PATJ: variants seen among roughly 807,000 people sequenced by gnomAD.
PATJ encodes the protein PATJ crumbs cell polarity complex component, also known as inaD-like protein.
In PATJ, 190 loss-of-function variants were observed where a neutral mutation model predicts 224.9. The observed-to-expected ratio is 0.84, with a 90% CI of 0.75 to 0.95. The LOEUF (loss-of-function observed/expected upper bound fraction) is 0.95, where lower values mean the gene tolerates loss of function less well. PATJ is among the 40% of genes least tolerant of loss of function. The pLI is 0.00. For missense variants in PATJ, 2,121 were observed against 2,270.3 expected, an observed-to-expected ratio of 0.93 and a Z score of 1.34; for synonymous variants, 769 against 820.3, an observed-to-expected ratio of 0.94 and a Z score of 1.07.
intron 1 of PATJ, among the ~76,000 whole-genome samples, chr1:61,746,180 G>C (rs955577458): frequency 1.3e-5 from 2 of 152,132 alleles, no homozygotes; most frequent in Admixed American, 6.6e-5. Flanking sequence ...GACCTCAAGA[G>C]ATCTGCCCGA....
intron 13 of PATJ, among the ~76,000 whole-genome samples, 191 bp from the exon 14 acceptor site, chr1:61,808,283 A>G (rs1453368035): frequency 6.6e-6 from 1 of 152,226 alleles, no homozygotes; most frequent in Non-Finnish European, 1.5e-5. Flanking sequence ...TGTGGAGAAC[A>G]ACAACAAAAA....
intron 33 of PATJ, among the ~76,000 whole-genome samples, chr1:62,092,429 T>G (rs887271099): frequency 6.6e-6 from 1 of 151,946 alleles, no homozygotes; most frequent in African/African-American, 2.4e-5. Flanking sequence ...TAGATTTAGA[T>G]ATTCTTAATG....
Position 61,758,743 on chromosome 1 carries a change from T to A in PATJ, c.-35-4115T>A, listed in dbSNP as rs146809793. ...CAAATGTTTTTCCTAAAGAAAGCCT[T>A]TTCTGTTGTGGGAATCTCTAGTTTT... On this transcript the variant is annotated intron_variant, in intron 1 of 43. Coordinates refer to ENST00000642238, the MANE Select transcript of PATJ (RefSeq NM_001350145.3). Among the ~76,000 whole-genome samples, 29 of 151,614 alleles carry A rather than the reference T, an allele frequency of 1.9e-4. No individual in the cohort carries two copies. The East Asian group carries it at 5.0e-3, about 26-fold the overall frequency.
At chr1:61,959,538 G>T (rs924439987) in intron 27 of PATJ, among the ~76,000 whole-genome samples, 1 of 149,466 alleles carries the variant, frequency 6.7e-6, no homozygotes. Context: ...AGGCTCAAGC[G>T]ATCCTCCCAC....
In PATJ at chr1:62,117,233, C is replaced by G. The variant is rs773869481; in HGVS notation, c.4890+15C>G. 8 of 1,613,744 alleles carry G rather than the reference C, an allele frequency of 5.0e-6. No homozygotes were observed. In the East Asian group the frequency reaches 1.3e-4, roughly 27 times the overall value. On this transcript the variant is annotated intron_variant, in intron 37 of 43. Coordinates refer to ENST00000642238, the MANE Select transcript of PATJ (RefSeq NM_001350145.3). ...AGAACAGTCAGGTTGTCGATGGCTT[C>G]TCATCAGACTGACTCACTCTTCTGC...
At position 61,929,169 on chromosome 1, in the gene PATJ, G is replaced by A. The variant is rs893432778; in HGVS notation, c.3670+1340G>A. On this transcript the variant is annotated intron_variant, in intron 27 of 43. Coordinates refer to ENST00000642238, the MANE Select transcript of PATJ (RefSeq NM_001350145.3). ...TAATATATTTCCTTGTTCTGATATA[G>A]ATATCATGTCAGCTGCCACGGAATG... 9.2e-5 allele frequency among the ~76,000 whole-genome samples: 14 copies of A among 152,284 alleles called. No individual in the cohort carries two copies. In the South Asian group the frequency reaches 1.2e-3, roughly 14 times the overall value.
At chr1:61,982,564 G>C (rs1389260092) in intron 27 of PATJ, among the ~76,000 whole-genome samples, 1 of 151,994 alleles carries the variant, frequency 6.6e-6, no homozygotes, top group East Asian at 1.9e-4. Flanking sequence ...TTTCATATAA[G>C]GAGGTATTGT....
rs995349496 is a variant in PATJ, at chr1:61,927,908, A to G, written c.3670+79A>G. ...TAACGACTGTTGTAAATTATCAAAT[A>G]TATGGCTGTGAGTTCTTCAAAAATG... On this transcript the variant is annotated intron_variant, in intron 27 of 43. Coordinates refer to ENST00000642238, the MANE Select transcript of PATJ (RefSeq NM_001350145.3). The G allele has an allele frequency of 2.9e-5, 30 of 1,020,482 alleles. No homozygotes were observed. In the African/African-American group the frequency reaches 4.4e-4, roughly 15 times the overall value. 63.2% of individuals were successfully genotyped at this position (1,020,482 alleles called of 1,614,324 possible). A position where few individuals can be genotyped will look rare whatever the true frequency, so the allele number is the denominator to read the frequency against.
At chr1:61,755,164 C>T (rs1557583401) in intron 1 of PATJ, among the ~76,000 whole-genome samples, 1 of 151,784 alleles carries the variant, frequency 6.6e-6, no homozygotes, top group Non-Finnish European at 1.5e-5. Flanking sequence ...AAAAAATTAG[C>T]CGGGCGTAGT....
At chr1:61,841,607 T>TG (rs1440079278) in intron 17 of PATJ, among the ~76,000 whole-genome samples, 1 of 151,522 alleles carries the variant, frequency 6.6e-6, no homozygotes, top group Admixed American at 6.6e-5. Context: ...TGCCTTTTTT[T>TG]TTTTTGGGAG....
chr1:61,943,587 A>G (rs551753496), intron 27 of PATJ, among the ~76,000 whole-genome samples: 9 of 152,196 alleles, frequency 5.9e-5, no homozygotes, highest in African/African-American at 2.2e-4. Flanking sequence ...AGCCGCCGGG[A>G]AGCTGGAACT....
chr1:61,828,368 A>T (rs952222004), intron 16 of PATJ, among the ~76,000 whole-genome samples: 7 of 150,096 alleles, frequency 4.7e-5, no homozygotes, highest in Admixed American at 1.3e-4. Context: ...TTATTTATTT[A>T]TTTTTTTAAA....
chr1:61,901,217 G>A, intron 23 of PATJ, 65 bp from the exon 24 acceptor site: 1 of 981,474 alleles, frequency 1.0e-6, no homozygotes, highest in Non-Finnish European at 1.4e-6. Flanking sequence ...GATGCAAATG[G>A]AATACTTACA....
intron 20 of PATJ, among the ~76,000 whole-genome samples, chr1:61,872,332 C>T (rs1053469061): frequency 3.3e-5 from 5 of 152,086 alleles, no homozygotes; most frequent in African/African-American, 1.2e-4. Context: ...TACATACTTA[C>T]CCGAGGCGAG....
chr1:61,875,813 A>G (rs548721056), intron 21 of PATJ, among the ~76,000 whole-genome samples: 56 of 152,308 alleles, frequency 3.7e-4, no homozygotes, highest in African/African-American at 1.3e-3. Flanking sequence ...CAATTTTAGT[A>G]CATTAATAAC....
chr1:61,818,015 C>T (rs1489476332), intron 14 of PATJ, among the ~76,000 whole-genome samples: 1 of 152,018 alleles, frequency 6.6e-6, no homozygotes, highest in East Asian at 1.9e-4. Flanking sequence ...TGAAGCATAC[C>T]TTTCCAGAAG....
At chr1:62,072,574 C>T (rs986755396) in intron 31 of PATJ, 4 of 151,452 alleles carry the variant, frequency 2.6e-5, no homozygotes, top group Non-Finnish European at 5.9e-5. Context: ...AGTTCGGTAT[C>T]GATATGGTGA....
At chr1:61,996,962 G>T (rs957336927) in intron 28 of PATJ, among the ~76,000 whole-genome samples, 1 of 151,788 alleles carries the variant, frequency 6.6e-6, no homozygotes, top group South Asian at 2.1e-4. Context: ...GGCTAGTCTC[G>T]AACTCCTGAC....
chr1:61,928,323 C>G (rs935722800), intron 27 of PATJ, among the ~76,000 whole-genome samples: 10 of 152,054 alleles, frequency 6.6e-5, no homozygotes, highest in African/African-American at 2.4e-4. Flanking sequence ...GTGGCTTTAC[C>G]TAAAATAATT....
Sources: gnomAD v4.1 joint callset for allele counts (sites outside exome capture counted in the v4.1 genomes callset) on GRCh38, gnomAD v4.1.1 for gene constraint, MANE v1.5 for transcripts, NCBI Gene and HGNC (gene_info 2026-07-23, HGNC 2026-07-21) for gene names.